The following IDE variants were observed in gnomAD, a reference collection of about 807,000 sequenced individuals.
The protein encoded by IDE is insulin degrading enzyme.
In IDE, 58 loss-of-function variants were observed where a neutral mutation model predicts 133.2. The ratio of observed to expected loss-of-function variants is 0.44; its 90% CI spans 0.35 to 0.54. The LOEUF (loss-of-function observed/expected upper bound fraction) is 0.54, where lower values mean the gene tolerates loss of function less well. IDE is among the 20% of genes least tolerant of loss of function. The pLI, the probability that IDE is intolerant of heterozygous loss-of-function variation, is 0.00. For missense variants in IDE, 981 were observed against 1,234.0 expected (o/e 0.79, Z 3.07); for synonymous variants, 396 against 421.3 (o/e 0.94, Z 0.73).
intron 12 of IDE, among the ~76,000 whole-genome samples, chr10:92,490,241 T>C (rs369968237): frequency 3.3e-5 from 5 of 152,260 alleles, no homozygotes; most frequent in African/African-American, 1.2e-4. Flanking sequence ...CTCTGCACTT[T>C]AGTTACATTT....
intron 11 of IDE, among the ~76,000 whole-genome samples, chr10:92,495,180 C>T (rs931689081): frequency 9.5e-5 from 14 of 146,926 alleles, no homozygotes; most frequent in Admixed American, 6.8e-4. Flanking sequence ...TCTCCTGCCT[C>T]GGCTTCCATA....
chr10:92,482,182 C>G (rs1338233524), intron 14 of IDE, among the ~76,000 whole-genome samples: 2 of 152,058 alleles, frequency 1.3e-5, no homozygotes, highest in Non-Finnish European at 2.9e-5. Flanking sequence ...GTCAAGCCAA[C>G]TGAATAAAAA....
chr10:92,541,544 T>C (rs1464583430), intron 1 of IDE, among the ~76,000 whole-genome samples: 1 of 151,944 alleles, frequency 6.6e-6, no homozygotes, highest in Admixed American at 6.5e-5. Context: ...TATTTTTAAC[T>C]TGTTAAAGTT....
chr10:92,458,248 T>C (rs1261926064), intron 22 of IDE, among the ~76,000 whole-genome samples: 1 of 152,190 alleles, frequency 6.6e-6, no homozygotes, highest in Non-Finnish European at 1.5e-5. Context: ...GTGAAATCAG[T>C]TTAGAAAATG....
intron 4 of IDE, among the ~76,000 whole-genome samples, chr10:92,520,964 C>CT (rs1164989118): frequency 2.0e-5 from 3 of 152,102 alleles, no homozygotes; most frequent in Admixed American, 6.5e-5. Context: ...ATCCATGAGT[C>CT]TATGTGATAC....
chr10:92,508,956 A>G, intron 6 of IDE, 66 bp from the exon 7 acceptor site: 3 of 1,297,378 alleles, frequency 2.3e-6, no homozygotes, highest in Non-Finnish European at 3.3e-6. Flanking sequence ...TTTCTAAACT[A>G]TGAAGAATGA....
At chr10:92,498,520 C>T (rs558132965) in intron 11 of IDE, among the ~76,000 whole-genome samples, 87 of 152,074 alleles carry the variant, frequency 5.7e-4, no homozygotes, top group Middle Eastern at 3.4e-3. Context: ...CTTTGGGAGG[C>T]CGAGGCAGGT....
At chr10:92,493,085 A>G (rs1366181443) in intron 11 of IDE, among the ~76,000 whole-genome samples, 1 of 152,232 alleles carries the variant, frequency 6.6e-6, no homozygotes, top group Non-Finnish European at 1.5e-5. Flanking sequence ...TTTGACAGAT[A>G]AAAGAGTTCT....
intron 1 of IDE, among the ~76,000 whole-genome samples, chr10:92,566,023 C>T (rs1843525985): frequency 6.6e-6 from 1 of 151,806 alleles, no homozygotes; most frequent in South Asian, 2.1e-4. Flanking sequence ...AAGACTACCA[C>T]CACCACTCTC....
At chr10:92,481,267 C>T (rs1846590756) in intron 14 of IDE, among the ~76,000 whole-genome samples, 1 of 152,154 alleles carries the variant, frequency 6.6e-6, no homozygotes, top group Non-Finnish European at 1.5e-5. Flanking sequence ...GAAAATAATT[C>T]CAAGGAGTGT....
chr10:92,504,220 T>C (rs1848176788), intron 11 of IDE, among the ~76,000 whole-genome samples: 1 of 152,178 alleles, frequency 6.6e-6, no homozygotes, highest in Non-Finnish European at 1.5e-5. Flanking sequence ...AAAACATAGA[T>C]GAAATTCAGT....
chr10:92,558,002 A>G (rs149541992), intron 1 of IDE, among the ~76,000 whole-genome samples: 132 of 152,320 alleles, frequency 8.7e-4, no homozygotes, highest in African/African-American at 3.0e-3. Flanking sequence ...ATACATAAAA[A>G]CTAATTCAAA....
chr10:92,526,994 T>G (rs1849661855), intron 4 of IDE, among the ~76,000 whole-genome samples: 1 of 152,132 alleles, frequency 6.6e-6, no homozygotes, highest in Admixed American at 6.6e-5. Context: ...TTTTTGTGTC[T>G]CTTTTGAACA....
intron 11 of IDE, among the ~76,000 whole-genome samples, chr10:92,493,796 A>C (rs1239108874): frequency 6.6e-6 from 1 of 152,188 alleles, no homozygotes; most frequent in Non-Finnish European, 1.5e-5. Context: ...GTATATCATT[A>C]AGGAATTCCA....
intron 11 of IDE, among the ~76,000 whole-genome samples, chr10:92,500,598 A>G (rs948553791): frequency 1.3e-5 from 2 of 152,208 alleles, no homozygotes; most frequent in South Asian, 4.1e-4. Flanking sequence ...CAAAAAAATC[A>G]ACTGACCATG....
rs60008680 is a variant in IDE at position 92,556,179 on chromosome 10, C to CAAAAAA, written c.98+17737_98+17742dup. Among the ~76,000 whole-genome samples the CAAAAAA allele has an allele frequency of 3.8e-3, 258 of 68,336 alleles. 9 individuals carry two copies. Among genetic ancestry groups the CAAAAAA allele is most frequent in the East Asian group, 0.017 (35 of 2,020 alleles). The allele number at this position is 68,336 out of a possible 152,430, so 44.8% of individuals were successfully genotyped here. On this transcript the variant is annotated intron_variant, in intron 1 of 24. Coordinates refer to ENST00000265986, the MANE Select transcript of IDE (RefSeq NM_004969.4). ...TGGGTGACAGAGCGAGACTCCGTCTCAAAAAAAAAAAAAAAAAAAAAGAAA... is the reference window on the plus strand; with the variant it reads ...TGGGTGACAGAGCGAGACTCCGTCTCAAAAAAAAAAAAAAAAAAAAAAAAAAAGAAA...
intron 4 of IDE, among the ~76,000 whole-genome samples, chr10:92,524,355 ATTT>A (rs1414885005): frequency 8.3e-5 from 2 of 24,242 alleles, no homozygotes; most frequent in East Asian, 2.0e-3. Context: ...TATATAATAT[ATTT>A]TATATTATAA....
chr10:92,544,864 T>C (rs1255566774), intron 1 of IDE, among the ~76,000 whole-genome samples: 1 of 152,174 alleles, frequency 6.6e-6, no homozygotes, highest in Non-Finnish European at 1.5e-5. Flanking sequence ...CAAGAGAGTA[T>C]ATGTACAGAA....
At chr10:92,481,311 A>G (rs1463767265) in intron 14 of IDE, among the ~76,000 whole-genome samples, 11 of 152,162 alleles carry the variant, frequency 7.2e-5, no homozygotes, top group African/African-American at 2.7e-4. Flanking sequence ...GCAAGGTGGC[A>G]TACGCCTGTA....
Sources: allele counts gnomAD v4.1 joint callset (sites outside exome capture counted in the v4.1 genomes callset), GRCh38; gene constraint gnomAD v4.1.1; transcripts MANE v1.5; gene names NCBI Gene and HGNC (gene_info 2026-07-23, HGNC 2026-07-21).